The following GPC3 variants were observed in gnomAD, a reference collection of about 807,000 sequenced individuals.
GPC3 encodes glypican 3.
A neutral mutation model predicts 34.4 loss-of-function variants in GPC3; 3 were observed. The ratio of observed to expected loss-of-function variants is 0.09; its 90% CI spans 0.04 to 0.23. GPC3 has a LOEUF of 0.23. GPC3 is among the 10% of genes least tolerant of loss of function. The pLI, the probability that GPC3 is intolerant of heterozygous loss-of-function variation, is 1.00. For missense variants in GPC3, 351 were observed against 445.6 expected (o/e 0.79, Z 1.91); for synonymous variants, 177 against 174.0 (o/e 1.02, Z -0.13).
At chrX:133,581,103 G>T (rs1257511315) in intron 7 of GPC3, among the ~76,000 whole-genome samples, 1 of 112,617 alleles carries the variant, frequency 8.9e-6, no homozygotes, top group Non-Finnish European at 1.9e-5. Context: ...TCACCTGGGT[G>T]CTCCAGTGAA....
In GPC3 at chrX:133,657,898, C is replaced by CAGAGAGAGAG. The variant is rs749162174; in HGVS notation, c.1413+3822_1413+3831dup. ...GATGGACGCACATGGGGCATACATG[C>CAGAGAGAGAG]AGAGAGAGAGAGAGAGAGAGAGAGA... is the stretch of plus-strand genomic sequence containing the variant. On this transcript the variant is annotated intron_variant, in intron 6 of 7. Transcript: ENST00000370818. Among the ~76,000 whole-genome samples the CAGAGAGAGAG allele has an allele frequency of 4.6e-3, 393 of 85,505 alleles. 5 individuals carry two copies. The highest frequency in any genetic ancestry group is 0.018 in the African/African-American group (353 of 19,994). The allele number at this position is 85,505 out of a possible 115,157, so 74.3% of individuals were successfully genotyped here.
chrX:133,683,287 T>C (rs1049704172), intron 5 of GPC3, among the ~76,000 whole-genome samples: 1 of 112,388 alleles, frequency 8.9e-6, no homozygotes, highest in Non-Finnish European at 1.9e-5. Context: ...GAAGCTCTAG[T>C]ATGTTAATTT....
chrX:133,922,090 T>G lies in GPC3; in HGVS notation c.337+30960A>C, dbSNP rs764525115. ...CCTTTGGGCCTTGTATACTTCCACT[T>G]GGCTTGGTAACCTTAAAGCCAGGAA... On this transcript the variant is annotated intron_variant, in intron 2 of 7. Coordinates refer to ENST00000370818, the MANE Select transcript of GPC3 (RefSeq NM_004484.4). 3.5e-5 allele frequency among the ~76,000 whole-genome samples: 4 copies of G among 112,727 alleles called. No individual in the cohort carries two copies. The South Asian group carries it at 1.5e-3, about 42-fold the overall frequency.
chrX:133,810,548 G>T (rs1183054474), intron 2 of GPC3, among the ~76,000 whole-genome samples: 1 of 111,482 alleles, frequency 9.0e-6, no homozygotes, highest in Non-Finnish European at 1.9e-5. Flanking sequence ...CTACAAAAAC[G>T]AAGTGAGTCC....
chrX:133,937,189 A>G, intron 2 of GPC3, among the ~76,000 whole-genome samples: 1 of 111,241 alleles, frequency 9.0e-6, no homozygotes, highest in South Asian at 3.9e-4. Flanking sequence ...TCGGGGCCAC[A>G]ATCCATGTCC....
chrX:133,756,048 G>A (rs947752282), intron 2 of GPC3, among the ~76,000 whole-genome samples: 2 of 112,433 alleles, frequency 1.8e-5, no homozygotes, highest in African/African-American at 6.5e-5. Context: ...CCTTGTTTCA[G>A]AAGTATTCAC....
intron 2 of GPC3, among the ~76,000 whole-genome samples, chrX:133,860,074 T>A (rs1253122370): frequency 9.0e-6 from 1 of 111,152 alleles, no homozygotes; most frequent in African/African-American, 3.3e-5. Flanking sequence ...GAGGGATCCT[T>A]CCCCATGGCC....
chrX:133,713,801 A>G (rs2071291744), intron 3 of GPC3, among the ~76,000 whole-genome samples: 2 of 112,206 alleles, frequency 1.8e-5, no homozygotes, highest in Admixed American at 1.9e-4. Flanking sequence ...AAAACTTGTT[A>G]TCTTCTACTA....
chrX:133,611,843 G>A (rs972327954), intron 6 of GPC3, among the ~76,000 whole-genome samples: 2 of 111,867 alleles, frequency 1.8e-5, no homozygotes, highest in Admixed American at 9.5e-5. Flanking sequence ...TGTTTCTGGA[G>A]AGAGGCAGGA....
intron 3 of GPC3, among the ~76,000 whole-genome samples, chrX:133,744,201 G>A (rs1293858735): frequency 1.8e-5 from 2 of 112,024 alleles, no homozygotes; most frequent in East Asian, 5.6e-4. Flanking sequence ...CACAGCAAAA[G>A]AAACTATCAT....
rs2071153681 is a variant in GPC3, at chrX:133,700,067, G to A, written c.1033-39C>T. 3.7e-6 allele frequency: 4 copies of A among 1,082,722 alleles called. No homozygotes were observed. In the East Asian group the frequency reaches 1.2e-4, roughly 33 times the overall value. The allele number at this position is 1,082,722 out of a possible 1,213,427, so 89.2% of individuals were successfully genotyped here. A position where few individuals can be genotyped will look rare whatever the true frequency, so the allele number is the denominator to read the frequency against. ...TGCAATATAATTATATGATACTTGT[G>A]CAGATATGATAGTAGAAACAAATTC... On this transcript the variant is annotated intron_variant, in intron 3 of 7. Coordinates refer to ENST00000370818, the MANE Select transcript of GPC3 (RefSeq NM_004484.4).
At chrX:133,659,061 A>C (rs1200297199) in intron 6 of GPC3, among the ~76,000 whole-genome samples, 1 of 112,394 alleles carries the variant, frequency 8.9e-6, no homozygotes, top group Non-Finnish European at 1.9e-5. Flanking sequence ...GCCATATATT[A>C]AGTGCCTGTC....
intron 7 of GPC3, among the ~76,000 whole-genome samples, chrX:133,548,572 T>C (rs1424055654): frequency 1.8e-5 from 2 of 111,708 alleles, no homozygotes; most frequent in Non-Finnish European, 3.8e-5. Context: ...AGCAGGCAGG[T>C]ATCCTTATAC....
intron 4 of GPC3, among the ~76,000 whole-genome samples, 173 bp from the exon 5 acceptor site, chrX:133,692,667 A>T (rs1260503072): frequency 8.9e-6 from 1 of 112,558 alleles, no homozygotes; most frequent in Non-Finnish European, 1.9e-5. Flanking sequence ...TTTAAAAATC[A>T]ATAAAATGAT....
intron 2 of GPC3, among the ~76,000 whole-genome samples, chrX:133,756,092 C>T (rs891823068): frequency 2.7e-5 from 3 of 112,129 alleles, no homozygotes; most frequent in African/African-American, 9.7e-5. Context: ...AAAATATTCT[C>T]AAGTATATTA....
chrX:133,769,861 GT>G (rs2071895278), intron 2 of GPC3, among the ~76,000 whole-genome samples: 1 of 112,361 alleles, frequency 8.9e-6, no homozygotes, highest in Non-Finnish European at 1.9e-5. Flanking sequence ...ACAAATAACA[GT>G]TCTGTATACG....
At chrX:133,811,012 C>T (rs1433980508) in intron 2 of GPC3, among the ~76,000 whole-genome samples, 2 of 111,459 alleles carry the variant, frequency 1.8e-5, no homozygotes, top group Non-Finnish European at 3.8e-5. Context: ...GCATCCTAAT[C>T]GTCTGTGTGA....
At chrX:133,969,644 T>C (rs1020521084) in intron 1 of GPC3, among the ~76,000 whole-genome samples, 4 of 111,196 alleles carry the variant, frequency 3.6e-5, no homozygotes, top group Admixed American at 2.9e-4. Context: ...AAAAAAAACA[T>C]CTGAGTGCAA....
chrX:133,626,146 C>T (rs1412025240), intron 6 of GPC3, among the ~76,000 whole-genome samples: 4 of 111,828 alleles, frequency 3.6e-5, no homozygotes, highest in Non-Finnish European at 5.6e-5. Context: ...CTTCCTTACA[C>T]CTTATACAAA....
Sources: allele counts gnomAD v4.1 joint callset (sites outside exome capture counted in the v4.1 genomes callset), GRCh38; gene constraint gnomAD v4.1.1; transcripts MANE v1.5; gene names NCBI Gene and HGNC (gene_info 2026-07-23, HGNC 2026-07-21).